CASR: variants seen among roughly 807,000 people sequenced by gnomAD.
CASR encodes the protein extracellular calcium-sensing receptor.
In CASR, 23 loss-of-function variants were observed where a neutral mutation model predicts 69.1. The ratio of observed to expected loss-of-function variants is 0.33; its 90% CI spans 0.24 to 0.47. The LOEUF (loss-of-function observed/expected upper bound fraction) is 0.47, where lower values mean the gene tolerates loss of function less well. Among genes scored for constraint, CASR ranks in the 20% least tolerant of loss-of-function variants. The probability of loss-of-function intolerance (pLI) is 1.00; values close to 1 mark genes in which losing one functional copy is unlikely to be tolerated. For synonymous variants in CASR, 541 were observed against 544.7 expected (o/e 0.99, Z 0.10); for missense variants, 924 against 1,356.1 (o/e 0.68, Z 5.00).
At chr3:122,193,236 T>C (rs1048397533) in intron 1 of CASR, among the ~76,000 whole-genome samples, 3 of 151,944 alleles carry the variant, frequency 2.0e-5, no homozygotes, top group African/African-American at 7.3e-5. Context: ...GTTTGTTTTT[T>C]GAGTCTCACT....
chr3:122,271,103 A>T (rs563959141), intron 4 of CASR, among the ~76,000 whole-genome samples: 3 of 152,088 alleles, frequency 2.0e-5, no homozygotes, highest in African/African-American at 7.2e-5. Flanking sequence ...TATTGACCTT[A>T]TTTTTCTCAT....
chr3:122,257,261 T>A lies in CASR; in HGVS notation c.366T>A (p.Ser122=). 1 of 1,614,214 alleles carries A rather than the reference T, an allele frequency of 6.2e-7. No homozygotes were observed. The highest frequency in any genetic ancestry group is 2.2e-5 in the East Asian group (1 of 44,894). Residue 122 remains serine, a synonymous_variant, in exon 3 of 7, where the codon TCT becomes TCA. Coordinates refer to ENST00000639785, the MANE Select transcript of CASR (RefSeq NM_000388.4). ...LSFVAQNKID[S]LNLDEFCNCS... ...TTGTTGCTCAAAACAAAATTGATTC[T>A]TTGAACCTTGATGAGTTCTGCAACT...
intron 1 of CASR, among the ~76,000 whole-genome samples, chr3:122,186,599 G>A (rs1276363148): frequency 6.6e-6 from 1 of 152,174 alleles, no homozygotes; most frequent in Non-Finnish European, 1.5e-5. Flanking sequence ...CAGATGCTTT[G>A]GGGTGGCAGC....
chr3:122,243,387 G>A (rs1467425174), intron 1 of CASR, among the ~76,000 whole-genome samples: 1 of 152,100 alleles, frequency 6.6e-6, no homozygotes, highest in Non-Finnish European at 1.5e-5. Context: ...TTTCTCAAAA[G>A]AAGACATATG....
At chr3:122,279,258 T>C (rs7652858) in intron 5 of CASR, among the ~76,000 whole-genome samples, 140,286 of 152,212 alleles carry the variant, frequency 0.92, 64,948 homozygotes, top group East Asian at 0.98. Context: ...GACATTTATA[T>C]GAGAGAGAAA....
intron 1 of CASR, among the ~76,000 whole-genome samples, chr3:122,226,181 C>T (rs750602525): frequency 7.2e-5 from 11 of 152,114 alleles, no homozygotes; most frequent in East Asian, 5.8e-4. Context: ...TTCTTAAAGC[C>T]GGCGTGTCTG....
intron 2 of CASR, among the ~76,000 whole-genome samples, chr3:122,255,521 C>T (rs1184453260): frequency 6.6e-6 from 1 of 152,196 alleles, no homozygotes; most frequent in Non-Finnish European, 1.5e-5. Flanking sequence ...ATATCCTTCA[C>T]ATAACCCATG....
chr3:122,252,766 G>A (rs1449501250), intron 1 of CASR, among the ~76,000 whole-genome samples: 1 of 152,168 alleles, frequency 6.6e-6, no homozygotes, highest in African/African-American at 2.4e-5. Context: ...AGAAAACAGT[G>A]AGGGAGAAAC....
At chr3:122,215,654 C>T (rs1369939498) in intron 1 of CASR, among the ~76,000 whole-genome samples, 1 of 152,110 alleles carries the variant, frequency 6.6e-6, no homozygotes, top group Non-Finnish European at 1.5e-5. Flanking sequence ...TCAGTTTTGT[C>T]AAAGTTTCCA....
At chr3:122,231,389 G>T (rs2074276859) in intron 1 of CASR, among the ~76,000 whole-genome samples, 1 of 152,058 alleles carries the variant, frequency 6.6e-6, no homozygotes, top group Non-Finnish European at 1.5e-5. Flanking sequence ...AGAGAGAGGG[G>T]GACACTATCA....
At chr3:122,264,896 A>G (rs150522581) in intron 4 of CASR, among the ~76,000 whole-genome samples, 1 of 152,360 alleles carries the variant, frequency 6.6e-6, no homozygotes, top group East Asian at 1.9e-4. Context: ...ATGGAAACTT[A>G]TCACCTATAA....
chr3:122,206,994 TTTTG>T (rs1462562061), intron 1 of CASR, among the ~76,000 whole-genome samples: 1 of 152,068 alleles, frequency 6.6e-6, no homozygotes, highest in Non-Finnish European at 1.5e-5. Flanking sequence ...AGTTTGTGAA[TTTTG>T]TTTATCTTTT....
intron 1 of CASR, among the ~76,000 whole-genome samples, chr3:122,201,706 C>T (rs1287879127): frequency 7.1e-6 from 1 of 140,272 alleles, no homozygotes; most frequent in Non-Finnish European, 1.6e-5. Context: ...GACGGGGCGG[C>T]TGGCTTGGTG....
intron 1 of CASR, among the ~76,000 whole-genome samples, chr3:122,198,640 G>A (rs1266830271): frequency 1.4e-5 from 2 of 146,246 alleles, no homozygotes; most frequent in African/African-American, 2.6e-5. Context: ...GTATTTTACA[G>A]TTAGGAAATG....
intron 3 of CASR, among the ~76,000 whole-genome samples, chr3:122,258,037 A>C (rs2107628507): frequency 6.6e-6 from 1 of 152,366 alleles, no homozygotes; most frequent in Non-Finnish European, 1.5e-5. Context: ...ATAAACATTC[A>C]GTGGTGCATT....
At chr3:122,228,873 A>G (rs769231717) in intron 1 of CASR, among the ~76,000 whole-genome samples, 2 of 152,094 alleles carry the variant, frequency 1.3e-5, no homozygotes, top group Non-Finnish European at 2.9e-5. Context: ...CCTCCACACC[A>G]TGACACCTGA....
chr3:122,201,850 C>G (rs999222727), intron 1 of CASR, among the ~76,000 whole-genome samples: 2 of 151,810 alleles, frequency 1.3e-5, no homozygotes, highest in Non-Finnish European at 2.9e-5. Flanking sequence ...TCCTCACTTC[C>G]TAGATGGGAT....
rs190999206 is a variant in CASR at position 122,217,363 on chromosome 3, G to A, written c.-243+33551G>A. ...CAATCTGCCTGCCTCGGCCTCCCAC[G>A]GTGCTGGGATTACAGGTGTGAGCCA... On this transcript the variant is annotated intron_variant, in intron 1 of 6. Transcript: ENST00000639785. 1.1e-3 allele frequency among the ~76,000 whole-genome samples: 169 copies of A among 152,110 alleles called. 5 individuals carry two copies. The East Asian group carries it at 0.018, about 16-fold the overall frequency.
chr3:122,213,794 A>G (rs747274654), intron 1 of CASR, among the ~76,000 whole-genome samples: 1 of 152,356 alleles, frequency 6.6e-6, no homozygotes, highest in African/African-American at 2.4e-5. Context: ...TTCAGTGACC[A>G]TGGCAAAGAG....
Sources: gnomAD v4.1 joint callset for allele counts (sites outside exome capture counted in the v4.1 genomes callset) on GRCh38, gnomAD v4.1.1 for gene constraint, MANE v1.5 for transcripts, NCBI Gene and HGNC (gene_info 2026-07-23, HGNC 2026-07-21) for gene names.